Variants in RAB38 observed in about 807,000 individuals in gnomAD.
RAB38 encodes ras-related protein Rab-38.
A neutral mutation model predicts 18.4 loss-of-function variants in RAB38; 15 were observed. That is an observed-to-expected ratio of 0.82 (90% CI 0.55 to 1.26). RAB38 has a LOEUF of 1.26. Ranked by LOEUF, RAB38 falls within the 50% of genes most tolerant of loss-of-function variation. RAB38 has a pLI of 0.00. For synonymous variants in RAB38, 101 were observed against 104.4 expected (o/e 0.97, Z 0.20); for missense variants, 294 against 267.4 (o/e 1.10, Z -0.69).
the RAB38 span, among the ~76,000 whole-genome samples, chr11:87,912,915 T>A: frequency 6.6e-6 from 1 of 151,922 alleles, no homozygotes; most frequent in African/African-American, 2.4e-5. Context: ...GGGATACATG[T>A]AGGCACATCT....
chr11:88,137,751 G>T (rs1023220819), intron 2 of RAB38, among the ~76,000 whole-genome samples: 1 of 152,186 alleles, frequency 6.6e-6, no homozygotes. Context: ...GCACAGGATT[G>T]TGGACTTTCA....
At chr11:88,174,032 C>A in intron 1 of RAB38, 1 of 985,390 alleles carries the variant, frequency 1.0e-6, no homozygotes. Context: ...GCACTTATAA[C>A]GAAAGGTTCC....
At chr11:88,081,302 G>T in the RAB38 span, among the ~76,000 whole-genome samples, 1 of 151,862 alleles carries the variant, frequency 6.6e-6, no homozygotes, top group Non-Finnish European at 1.5e-5. Flanking sequence ...TTACACAAGA[G>T]AAATAAAAAT....
the RAB38 span, among the ~76,000 whole-genome samples, chr11:88,057,358 T>G: frequency 0.095 from 14,499 of 152,106 alleles, 735 homozygotes; most frequent in Middle Eastern, 0.15. Flanking sequence ...AAGAGCATGG[T>G]TGAAGACAAG....
At chr11:87,922,652 G>A in the RAB38 span, among the ~76,000 whole-genome samples, 2 of 151,950 alleles carry the variant, frequency 1.3e-5, no homozygotes, top group African/African-American at 2.4e-5. Context: ...GCAAAACACT[G>A]AGCAAATTTT....
the RAB38 span, among the ~76,000 whole-genome samples, chr11:88,034,171 C>G: frequency 6.6e-6 from 1 of 152,166 alleles, no homozygotes; most frequent in Non-Finnish European, 1.5e-5. Context: ...TTGGGATTCG[C>G]TTTTTTTCAC....
chr11:88,038,612 A>G, the RAB38 span, among the ~76,000 whole-genome samples: 4 of 152,222 alleles, frequency 2.6e-5, no homozygotes, highest in African/African-American at 7.2e-5. Flanking sequence ...TATCAGAAAT[A>G]GAACACACAA....
At chr11:88,087,672 T>G in the RAB38 span, among the ~76,000 whole-genome samples, 1 of 151,884 alleles carries the variant, frequency 6.6e-6, no homozygotes, top group African/African-American at 2.4e-5. Flanking sequence ...CAATGCAAAT[T>G]GAGAGGTGGG....
intron 1 of RAB38, among the ~76,000 whole-genome samples, chr11:88,156,596 G>C (rs1943128685): frequency 6.6e-6 from 1 of 152,138 alleles, no homozygotes; most frequent in Non-Finnish European, 1.5e-5. Context: ...CAGCTACTTG[G>C]GAGGCTGAGG....
the RAB38 span, among the ~76,000 whole-genome samples, chr11:87,811,471 C>G: frequency 6.6e-6 from 1 of 152,162 alleles, no homozygotes; most frequent in African/African-American, 2.4e-5. Flanking sequence ...TTGGCCTCTT[C>G]TTACCTCTTC....
the RAB38 span, among the ~76,000 whole-genome samples, chr11:88,086,083 T>C: frequency 0.017 from 2,589 of 151,988 alleles, 68 homozygotes; most frequent in African/African-American, 0.058. Flanking sequence ...TTATAAAATA[T>C]AGTTTAATAA....
At chr11:88,063,347 C>CAA in the RAB38 span, among the ~76,000 whole-genome samples, 42 of 152,036 alleles carry the variant, frequency 2.8e-4, no homozygotes, top group Non-Finnish European at 4.7e-4. Context: ...TTTAGGTTTC[C>CAA]AATTTTCCAC....
chr11:88,017,991 C>G, the RAB38 span, among the ~76,000 whole-genome samples: 1 of 152,074 alleles, frequency 6.6e-6, no homozygotes, highest in East Asian at 1.9e-4. Context: ...TGCACAAGCT[C>G]TCTTCTCTTG....
the RAB38 span, among the ~76,000 whole-genome samples, chr11:87,887,159 T>G: frequency 2.6e-4 from 40 of 151,940 alleles, no homozygotes; most frequent in Non-Finnish European, 4.3e-4. Flanking sequence ...TCCTCTTACA[T>G]GAAAATGAGT....
intron 2 of RAB38, among the ~76,000 whole-genome samples, chr11:88,134,078 T>C (rs1225268167): frequency 6.6e-6 from 1 of 152,190 alleles, no homozygotes; most frequent in African/African-American, 2.4e-5. Context: ...GCCTGGACTT[T>C]TCTCCTGAAC....
the RAB38 span, among the ~76,000 whole-genome samples, chr11:87,936,834 C>A: frequency 3.3e-5 from 5 of 151,962 alleles, no homozygotes; most frequent in African/African-American, 1.2e-4. Flanking sequence ...ATTATGCAAC[C>A]TTCCTAAACT....
At chr11:88,150,010 T>C in intron 1 of RAB38, 55 bp from the exon 2 acceptor site, 1 of 1,531,682 alleles carries the variant, frequency 6.5e-7, no homozygotes, top group Non-Finnish European at 8.8e-7. Flanking sequence ...AACTGAATCA[T>C]ATTATAACTT....
chr11:87,942,685 CA>C, the RAB38 span, among the ~76,000 whole-genome samples: 1 of 152,110 alleles, frequency 6.6e-6, no homozygotes, highest in African/African-American at 2.4e-5. Flanking sequence ...GGAGTACCTA[CA>C]GGAGTGAGTG....
At chr11:88,153,268 C>T (rs1390515812) in intron 1 of RAB38, among the ~76,000 whole-genome samples, 1 of 152,196 alleles carries the variant, frequency 6.6e-6, no homozygotes, top group Non-Finnish European at 1.5e-5. Context: ...TAGATTAAAT[C>T]AAACTTTGGC....
Sources: allele counts gnomAD v4.1 joint callset (sites outside exome capture counted in the v4.1 genomes callset), GRCh38; gene constraint gnomAD v4.1.1; transcripts MANE v1.5; gene names NCBI Gene and HGNC (gene_info 2026-07-23, HGNC 2026-07-21).